CDH2: variants seen among roughly 807,000 people sequenced by gnomAD.
CDH2 encodes the protein cadherin 2.
CDH2 carries 17 observed loss-of-function variants against 92.0 expected under a neutral mutation model. That is an observed-to-expected ratio of 0.18 (90% CI 0.13 to 0.28). The LOEUF is 0.28. Ranked by LOEUF, CDH2 falls within the 10% of genes least tolerant of loss-of-function variation. CDH2 has a pLI of 1.00. For synonymous variants in CDH2, 419 were observed against 415.9 expected (o/e 1.01, Z -0.09); for missense variants, 862 against 1,133.1 (o/e 0.76, Z 3.44).
chr18:27,936,835 C>T (rs1460757742), intron 6 of CDH2, among the ~76,000 whole-genome samples: 2 of 152,022 alleles, frequency 1.3e-5, no homozygotes, highest in South Asian at 2.1e-4. Flanking sequence ...CACTGTGCCG[C>T]CCCTCTCCTC....
intron 2 of CDH2, among the ~76,000 whole-genome samples, chr18:28,064,615 AC>A (rs2014470915): frequency 6.6e-6 from 1 of 151,528 alleles, no homozygotes; most frequent in African/African-American, 2.4e-5. Flanking sequence ...CTGGCCACCT[AC>A]CCCCAGTTCT....
chr18:27,978,245 T>C (rs989440704), intron 14 of CDH2, among the ~76,000 whole-genome samples: 5 of 136,002 alleles, frequency 3.7e-5, no homozygotes, highest in African/African-American at 1.3e-4. Flanking sequence ...ACCAAAAATC[T>C]AAAAACAAAC....
chr18:28,103,718 T>C (rs1338388130), intron 2 of CDH2, among the ~76,000 whole-genome samples: 3 of 152,004 alleles, frequency 2.0e-5, no homozygotes, highest in African/African-American at 4.8e-5. Context: ...GTTCTCATTA[T>C]TCAATTCCCA....
At chr18:28,001,826 AT>A (rs1463954694) in intron 7 of CDH2, among the ~76,000 whole-genome samples, 1 of 152,248 alleles carries the variant, frequency 6.6e-6, no homozygotes, top group Non-Finnish European at 1.5e-5. Flanking sequence ...TGCAATAGTA[AT>A]GTTTTCTTCT....
intron 2 of CDH2, among the ~76,000 whole-genome samples, chr18:28,072,373 T>C (rs1285934660): frequency 1.3e-5 from 2 of 151,842 alleles, no homozygotes; most frequent in East Asian, 1.9e-4. Context: ...CCTGTATTCA[T>C]GTGGCTCTGT....
At chr18:28,016,082 C>A (rs1227248228) in intron 2 of CDH2, among the ~76,000 whole-genome samples, 1 of 152,220 alleles carries the variant, frequency 6.6e-6, no homozygotes, top group Non-Finnish European at 1.5e-5. Context: ...ATGCCTTTCA[C>A]AAGATTTCGG....
At chr18:28,023,408 T>C (rs2013461977) in intron 2 of CDH2, among the ~76,000 whole-genome samples, 1 of 152,122 alleles carries the variant, frequency 6.6e-6, no homozygotes, top group African/African-American at 2.4e-5. Context: ...ACTGCAACCT[T>C]TGCCTGCCAG....
At chr18:28,011,746 T>C (rs1326125736) in intron 4 of CDH2, 100 bp downstream of exon 4, 9 of 1,127,290 alleles carry the variant, frequency 8.0e-6, no homozygotes, top group Non-Finnish European at 6.5e-6. Context: ...TTTTAGTATA[T>C]ACATGTCATA....
chr18:28,168,546 T>A (rs760254129), intron 1 of CDH2: 14 of 248,064 alleles, frequency 5.6e-5, no homozygotes, highest in Non-Finnish European at 9.0e-5. Context: ...TTTATAGGCT[T>A]TCAGAAAGTA....
At chr18:28,078,512 G>T (rs1023729940) in intron 2 of CDH2, among the ~76,000 whole-genome samples, 1 of 152,016 alleles carries the variant, frequency 6.6e-6, no homozygotes, top group Admixed American at 6.6e-5. Flanking sequence ...GGGCAATGAC[G>T]CTATTTCTGA....
chr18:28,071,816 T>G (rs1029161762), intron 2 of CDH2, among the ~76,000 whole-genome samples: 3 of 152,134 alleles, frequency 2.0e-5, no homozygotes, highest in African/African-American at 4.8e-5. Flanking sequence ...TTTGGTTTCT[T>G]TTCACACTTA....
At chr18:27,953,616 G>T (rs541715659) in intron 15 of CDH2, among the ~76,000 whole-genome samples, 2 of 150,232 alleles carry the variant, frequency 1.3e-5, no homozygotes, top group East Asian at 2.0e-4. Context: ...TCCTTTCAAG[G>T]TTACAAAGGA....
At chr18:28,076,931 A>T (rs2014732057) in intron 2 of CDH2, among the ~76,000 whole-genome samples, 1 of 152,186 alleles carries the variant, frequency 6.6e-6, no homozygotes, top group Non-Finnish European at 1.5e-5. Context: ...GCTATAATGC[A>T]TAGGAAATAC....
At chr18:28,082,997 A>C (rs1468636662) in intron 2 of CDH2, among the ~76,000 whole-genome samples, 1 of 152,208 alleles carries the variant, frequency 6.6e-6, no homozygotes, top group Admixed American at 6.6e-5. Context: ...CCCTAAAAGC[A>C]AGTAACAGTT....
Position 28,104,888 on chromosome 18 carries a change from A to C in CDH2, c.172+42785T>G, listed in dbSNP as rs564179984. Among the ~76,000 whole-genome samples, 253 of 151,984 alleles carry C rather than the reference A, an allele frequency of 1.7e-3. 1 individual carries two copies. Among genetic ancestry groups the C allele is most frequent in the Admixed American group, 3.7e-3 (57 of 15,258 alleles). ...TATCTTGGATGATAATTTTACTTGT[A>C]GATAGATAGATACTCACCATAATGA... On this transcript the variant is annotated intron_variant, in intron 2 of 15. Coordinates refer to ENST00000269141, the MANE Select transcript of CDH2 (RefSeq NM_001792.5).
chr18:28,086,097 G>A lies in CDH2; in HGVS notation c.172+61576C>T, dbSNP rs17494495. On this transcript the variant is annotated intron_variant, in intron 2 of 15. Transcript: ENST00000269141. ...ATTTTCGCCTAACACAAGGGAGAAC[G>A]TCAACCTTCTAGCAAGCAGCAACAG... Among the ~76,000 whole-genome samples, 1,049 of 152,198 alleles carry A rather than the reference G, an allele frequency of 6.9e-3. 14 individuals are homozygous for A. Among genetic ancestry groups the A allele is most frequent in the African/African-American group, 0.024 (990 of 41,504 alleles).
chr18:28,090,840 G>A (rs974498457), intron 2 of CDH2, among the ~76,000 whole-genome samples: 5 of 152,118 alleles, frequency 3.3e-5, no homozygotes, highest in African/African-American at 1.2e-4. Flanking sequence ...GTATCTTACT[G>A]GTTTGGGGAA....
chr18:28,060,339 C>A (rs938586071), intron 2 of CDH2, among the ~76,000 whole-genome samples: 27 of 152,090 alleles, frequency 1.8e-4, no homozygotes, highest in Admixed American at 1.6e-3. Context: ...GCGCGTGCTA[C>A]CATACCCAGC....
intron 2 of CDH2, among the ~76,000 whole-genome samples, chr18:28,106,965 A>G (rs1374822278): frequency 1.3e-5 from 2 of 152,124 alleles, no homozygotes; most frequent in African/African-American, 4.8e-5. Flanking sequence ...ACTCACACAC[A>G]CAACTGGGCA....
Sources: allele counts gnomAD v4.1 joint callset (sites outside exome capture counted in the v4.1 genomes callset), GRCh38; gene constraint gnomAD v4.1.1; transcripts MANE v1.5; gene names NCBI Gene and HGNC (gene_info 2026-07-23, HGNC 2026-07-21).